GALNTL6: variants seen among roughly 807,000 people sequenced by gnomAD.
GALNTL6 encodes the protein polypeptide N-acetylgalactosaminyltransferase like 6.
A neutral mutation model predicts 73.7 loss-of-function variants in GALNTL6; 46 were observed. That is an observed-to-expected ratio of 0.62 (90% CI 0.49 to 0.80). GALNTL6 has a LOEUF of 0.80. Ranked by LOEUF, GALNTL6 falls within the 30% of genes least tolerant of loss-of-function variation. The pLI, the probability that GALNTL6 is intolerant of heterozygous loss-of-function variation, is 0.00. For missense variants in GALNTL6, 604 were observed against 755.0 expected, an observed-to-expected ratio of 0.80 and a Z score of 2.34; for synonymous variants, 259 against 263.7, an observed-to-expected ratio of 0.98 and a Z score of 0.17.
chr4:172,786,140 AC>A (rs1739642925), intron 5 of GALNTL6, among the ~76,000 whole-genome samples: 2 of 152,036 alleles, frequency 1.3e-5, no homozygotes, highest in Non-Finnish European at 2.9e-5. Flanking sequence ...AAAAAAAAGT[AC>A]TTGAACTCCA....
At chr4:172,390,356 A>G (rs181668901) in intron 5 of GALNTL6, among the ~76,000 whole-genome samples, 7 of 152,280 alleles carry the variant, frequency 4.6e-5, no homozygotes, top group African/African-American at 1.7e-4. Context: ...ATGCTCCCTT[A>G]CTCATGCTTG....
intron 3 of GALNTL6, among the ~76,000 whole-genome samples, chr4:172,245,359 G>T (rs1461487325): frequency 6.6e-6 from 1 of 152,062 alleles, no homozygotes; most frequent in East Asian, 1.9e-4. Context: ...AGTTAGATTT[G>T]CCACTGTTGC....
intron 9 of GALNTL6, among the ~76,000 whole-genome samples, chr4:172,948,850 G>C (rs1749301433): frequency 6.6e-6 from 1 of 152,074 alleles, no homozygotes; most frequent in Non-Finnish European, 1.5e-5. Context: ...TACCTGGTTA[G>C]TTCCCTAGTT....
chr4:172,751,437 A>G (rs979368792), intron 5 of GALNTL6, among the ~76,000 whole-genome samples: 1 of 152,238 alleles, frequency 6.6e-6, no homozygotes, highest in Non-Finnish European at 1.5e-5. Flanking sequence ...GATCTTAAAA[A>G]TATCACCAAC....
intron 7 of GALNTL6, among the ~76,000 whole-genome samples, chr4:172,844,554 T>A (rs1176434302): frequency 1.3e-5 from 2 of 152,218 alleles, no homozygotes; most frequent in Non-Finnish European, 2.9e-5. Context: ...AAAATTAATT[T>A]TTCTTTCATT....
intron 5 of GALNTL6, among the ~76,000 whole-genome samples, chr4:172,394,439 T>TC (rs1743775689): frequency 6.7e-6 from 1 of 149,128 alleles, no homozygotes; most frequent in East Asian, 2.0e-4. Flanking sequence ...TTTTTTTTTT[T>TC]TTTTTTTTTG....
intron 12 of GALNTL6, among the ~76,000 whole-genome samples, chr4:173,029,244 C>G (rs1753358493): frequency 6.6e-6 from 1 of 152,184 alleles, no homozygotes; most frequent in African/African-American, 2.4e-5. Context: ...GTCACACTCT[C>G]CCAGGTCAGT....
intron 5 of GALNTL6, among the ~76,000 whole-genome samples, chr4:172,658,119 C>T (rs1249067521): frequency 4.5e-5 from 4 of 87,958 alleles, no homozygotes; most frequent in Non-Finnish European, 8.0e-5. Context: ...CACTGCACTC[C>T]AGCCTGGGTG....
rs201283775 is a variant in GALNTL6 at position 172,372,785 on chromosome 4, G to A, written c.553+24096G>A. ...GTCTCCTTGATTAGAGTATAGAGGG[G>A]CCTGGCTATCTCGCTGTATCCGGGG... On this transcript the variant is annotated intron_variant, in intron 5 of 12. Coordinates refer to ENST00000506823, the MANE Select transcript of GALNTL6 (RefSeq NM_001034845.3). 8.1e-4 allele frequency among the ~76,000 whole-genome samples: 123 copies of A among 152,210 alleles called. 1 individual carries two copies. In the South Asian group the frequency reaches 0.016, roughly 19 times the overall value.
intron 5 of GALNTL6, among the ~76,000 whole-genome samples, chr4:172,454,539 T>G (rs2111429313): frequency 6.6e-6 from 1 of 152,344 alleles, no homozygotes; most frequent in African/African-American, 2.4e-5. Flanking sequence ...TCTCAGAAAC[T>G]GAATCCATCT....
At position 171,971,331 on chromosome 4, in the gene GALNTL6, G is replaced by A. The variant is rs187989232; in HGVS notation, c.138+156613G>A. ...AAGTGTTCAGTGTTGACTTGACTTCGCTACGGACTACAAGGTTCCAAAGAC... is the reference window on the plus strand; with the variant it reads ...AAGTGTTCAGTGTTGACTTGACTTCACTACGGACTACAAGGTTCCAAAGAC... On this transcript the variant is annotated intron_variant, in intron 2 of 12. Coordinates refer to ENST00000506823, the MANE Select transcript of GALNTL6 (RefSeq NM_001034845.3). Among the ~76,000 whole-genome samples the A allele has an allele frequency of 3.9e-5, 6 of 152,220 alleles. No homozygotes were observed. In the South Asian group the frequency reaches 6.2e-4, roughly 16 times the overall value.
intron 2 of GALNTL6, among the ~76,000 whole-genome samples, chr4:172,168,230 A>T (rs902776268): frequency 2.0e-5 from 3 of 152,138 alleles, no homozygotes; most frequent in African/African-American, 7.2e-5. Context: ...TAAAAAGACT[A>T]AAAGCTCCAA....
At chr4:172,894,327 C>T (rs1020163093) in intron 8 of GALNTL6, among the ~76,000 whole-genome samples, 1 of 152,062 alleles carries the variant, frequency 6.6e-6, no homozygotes, top group Non-Finnish European at 1.5e-5. Context: ...TTTATGTAGG[C>T]ATTTATTGCT....
chr4:172,154,140 C>T (rs1343191698), intron 2 of GALNTL6, among the ~76,000 whole-genome samples: 1 of 143,614 alleles, frequency 7.0e-6, no homozygotes, highest in Non-Finnish European at 1.5e-5. Flanking sequence ...GCTCATTTTA[C>T]ATAAAAAATC....
intron 3 of GALNTL6, among the ~76,000 whole-genome samples, chr4:172,284,229 A>G (rs899419375): frequency 3.3e-5 from 5 of 152,186 alleles, no homozygotes; most frequent in Admixed American, 2.0e-4. Flanking sequence ...CAACTACCTT[A>G]CCCTATTTTT....
At chr4:172,765,405 T>A (rs1398426841) in intron 5 of GALNTL6, among the ~76,000 whole-genome samples, 1 of 152,192 alleles carries the variant, frequency 6.6e-6, no homozygotes, top group Non-Finnish European at 1.5e-5. Context: ...AAACACCCTA[T>A]AATCCATCTA....
chr4:172,536,109 T>G (rs1735337458), intron 5 of GALNTL6, among the ~76,000 whole-genome samples: 1 of 152,230 alleles, frequency 6.6e-6, no homozygotes, highest in Non-Finnish European at 1.5e-5. Flanking sequence ...CCTTTTGCAA[T>G]GTAAGACATG....
intron 5 of GALNTL6, among the ~76,000 whole-genome samples, chr4:172,706,843 C>T (rs1374701364): frequency 6.6e-6 from 1 of 152,196 alleles, no homozygotes; most frequent in Non-Finnish European, 1.5e-5. Context: ...GCCTCTCTAA[C>T]TTGCTGTCTC....
Position 171,968,546 on chromosome 4 carries a change from T to C in GALNTL6, c.138+153828T>C, listed in dbSNP as rs935657541. ...ACTAATCCAGCATGATCTAGTTCTTTACCTTTATTACATCTGCAAAGACCC... is the reference window on the plus strand; with the variant it reads ...ACTAATCCAGCATGATCTAGTTCTTCACCTTTATTACATCTGCAAAGACCC... On this transcript the variant is annotated intron_variant, in intron 2 of 12. Transcript: ENST00000506823. Among the ~76,000 whole-genome samples the C allele has an allele frequency of 3.9e-5, 6 of 152,208 alleles. No individual in the cohort carries two copies. In the South Asian group the frequency reaches 6.2e-4, roughly 16 times the overall value.
Sources: allele counts gnomAD v4.1 joint callset (sites outside exome capture counted in the v4.1 genomes callset), GRCh38; gene constraint gnomAD v4.1.1; transcripts MANE v1.5; gene names NCBI Gene and HGNC (gene_info 2026-07-23, HGNC 2026-07-21).